MAGI2: variants seen among roughly 807,000 people sequenced by gnomAD.
The protein encoded by MAGI2 is membrane associated guanylate kinase, WW and PDZ domain containing 2.
A neutral mutation model predicts 133.3 loss-of-function variants in MAGI2; 35 were observed. The observed-to-expected ratio is 0.26, with a 90% CI of 0.20 to 0.35. MAGI2 has a LOEUF of 0.35. Among genes scored for constraint, MAGI2 ranks in the 10% least tolerant of loss-of-function variants. MAGI2 has a pLI of 1.00. For missense variants in MAGI2, 1,636 were observed against 1,863.4 expected (o/e 0.88, Z 2.25); for synonymous variants, 729 against 710.6 (o/e 1.03, Z -0.41).
intron 1 of MAGI2, among the ~76,000 whole-genome samples, chr7:79,275,658 G>C (rs981301887): frequency 3.3e-5 from 5 of 152,160 alleles, no homozygotes; most frequent in Admixed American, 6.6e-5. Flanking sequence ...GACTTTCACA[G>C]CTAGGAAGAA....
chr7:79,211,470 T>C (rs1233034989), intron 1 of MAGI2, among the ~76,000 whole-genome samples: 2 of 151,462 alleles, frequency 1.3e-5, no homozygotes, highest in African/African-American at 2.4e-5. Context: ...TTTTTTGTTT[T>C]TTTTTTTGAG....
intron 6 of MAGI2, among the ~76,000 whole-genome samples, chr7:78,413,290 T>A (rs533699667): frequency 3.9e-5 from 6 of 152,112 alleles, no homozygotes; most frequent in Non-Finnish European, 4.4e-5. Context: ...TCGGGTCAGC[T>A]GAATTTGACA....
intron 1 of MAGI2, among the ~76,000 whole-genome samples, chr7:79,061,924 T>C (rs992161225): frequency 1.3e-5 from 2 of 152,128 alleles, no homozygotes; most frequent in African/African-American, 4.8e-5. Flanking sequence ...TAATCTTCCA[T>C]TTTCTCATCA....
chr7:78,297,694 T>G (rs1034830461), intron 9 of MAGI2, among the ~76,000 whole-genome samples: 1 of 151,254 alleles, frequency 6.6e-6, no homozygotes, highest in Non-Finnish European at 1.5e-5. Context: ...ATGGATGAAA[T>G]TGGAAATCAT....
intron 6 of MAGI2, among the ~76,000 whole-genome samples, chr7:78,480,221 G>A (rs1395881409): frequency 6.6e-6 from 1 of 151,370 alleles, no homozygotes; most frequent in Admixed American, 6.6e-5. Context: ...AAATCCCCAG[G>A]ACAGTTGTTT....
chr7:78,979,791 T>C (rs964976839), intron 2 of MAGI2, among the ~76,000 whole-genome samples: 8 of 151,984 alleles, frequency 5.3e-5, no homozygotes, highest in African/African-American at 1.9e-4. Context: ...GTAATTCACA[T>C]AGAACACACT....
At chr7:78,791,174 C>A (rs929487100) in intron 2 of MAGI2, among the ~76,000 whole-genome samples, 1 of 152,046 alleles carries the variant, frequency 6.6e-6, no homozygotes, top group Admixed American at 6.6e-5. Flanking sequence ...GGGCAAAGAA[C>A]AGGAAACTGG....
At chr7:79,084,139 T>C (rs1226052742) in intron 1 of MAGI2, among the ~76,000 whole-genome samples, 2 of 151,720 alleles carry the variant, frequency 1.3e-5, no homozygotes, top group Non-Finnish European at 3.0e-5. Flanking sequence ...GTTTTTCTAT[T>C]ATCCATTTTA....
intron 1 of MAGI2, among the ~76,000 whole-genome samples, chr7:79,095,840 A>G (rs1000540997): frequency 6.6e-6 from 1 of 152,196 alleles, no homozygotes; most frequent in Non-Finnish European, 1.5e-5. Flanking sequence ...ACACAGAGAC[A>G]TGAAGTGAGT....
At chr7:78,943,252 G>A (rs1801132984) in intron 2 of MAGI2, among the ~76,000 whole-genome samples, 1 of 152,102 alleles carries the variant, frequency 6.6e-6, no homozygotes, top group Admixed American at 6.6e-5. Context: ...TTATACCTGA[G>A]TTATTGACCC....
chr7:78,326,362 C>A (rs1788589170), intron 9 of MAGI2, among the ~76,000 whole-genome samples: 3 of 152,258 alleles, frequency 2.0e-5, no homozygotes, highest in African/African-American at 7.2e-5. Flanking sequence ...ATGAGAGACT[C>A]ATTCCTCTGT....
chr7:78,787,241 T>C (rs1446057264), intron 2 of MAGI2, among the ~76,000 whole-genome samples: 1 of 152,170 alleles, frequency 6.6e-6, no homozygotes, highest in Non-Finnish European at 1.5e-5. Flanking sequence ...CCATTGCGCC[T>C]GGCCTCGAAC....
chr7:79,304,181 A>ATGTGTGTGTGTGTGTGTGTGTGTG (rs373644525), intron 1 of MAGI2, among the ~76,000 whole-genome samples: 1 of 142,164 alleles, frequency 7.0e-6, no homozygotes, highest in Non-Finnish European at 1.5e-5. Flanking sequence ...TTCAACTGGG[A>ATGTGTGTGTGTGTGTGTGTGTGTG]TGTGTGTGTG....
intron 1 of MAGI2, among the ~76,000 whole-genome samples, chr7:79,421,118 T>C (rs1846927366): frequency 6.6e-6 from 1 of 151,972 alleles, no homozygotes; most frequent in African/African-American, 2.4e-5. Context: ...GTTAGCACTT[T>C]GAGAAATACA....
chr7:79,296,797 C>T (rs1419140133), intron 1 of MAGI2, among the ~76,000 whole-genome samples: 1 of 152,084 alleles, frequency 6.6e-6, no homozygotes, highest in Non-Finnish European at 1.5e-5. Context: ...GGAAAGAAGA[C>T]ATTCTGGTGT....
At chr7:78,560,038 T>C (rs546335695) in intron 3 of MAGI2, among the ~76,000 whole-genome samples, 1 of 152,002 alleles carries the variant, frequency 6.6e-6, no homozygotes, top group East Asian at 1.9e-4. Context: ...GCATGCAGCT[T>C]GAAGGATGAC....
chr7:78,194,012 C>T (rs376796657), intron 12 of MAGI2, among the ~76,000 whole-genome samples: 24 of 152,124 alleles, frequency 1.6e-4, no homozygotes, highest in Non-Finnish European at 1.5e-4. Context: ...ATTCATGCTA[C>T]GGATGATAAA....
At chr7:78,273,852 T>C (rs1394553330) in intron 9 of MAGI2, among the ~76,000 whole-genome samples, 1 of 152,190 alleles carries the variant, frequency 6.6e-6, no homozygotes, top group Non-Finnish European at 1.5e-5. Context: ...TTTTCAAGGT[T>C]GTTAGCTTCC....
At chr7:78,701,199 C>T (rs10953668) in intron 2 of MAGI2, among the ~76,000 whole-genome samples, 38,388 of 151,402 alleles carry the variant, frequency 0.25, 5,512 homozygotes, top group African/African-American at 0.39. Context: ...TTTCACCTAA[C>T]GATATCAATA....
Sources: allele counts gnomAD v4.1 joint callset (sites outside exome capture counted in the v4.1 genomes callset), GRCh38; gene constraint gnomAD v4.1.1; transcripts MANE v1.5; gene names NCBI Gene and HGNC (gene_info 2026-07-23, HGNC 2026-07-21).